The following CLVS1 variants were observed in gnomAD, a reference collection of about 807,000 sequenced individuals.
The protein encoded by CLVS1 is clavesin 1.
A neutral mutation model predicts 33.1 loss-of-function variants in CLVS1; 10 were observed. The ratio of observed to expected loss-of-function variants is 0.30; its 90% confidence interval spans 0.19 to 0.51. The LOEUF is 0.51. CLVS1 is among the 20% of genes least tolerant of loss of function. The pLI, the probability that CLVS1 is intolerant of heterozygous loss-of-function variation, is 0.97. For synonymous variants in CLVS1, 163 were observed against 166.1 expected (o/e 0.98, Z 0.14); for missense variants, 343 against 433.4 (o/e 0.79, Z 1.85).
At chr8:61,058,084 T>C (rs1164934793) in intron 1 of CLVS1, among the ~76,000 whole-genome samples, 2 of 152,218 alleles carry the variant, frequency 1.3e-5, no homozygotes, top group Non-Finnish European at 2.9e-5. Context: ...GCTAGACATA[T>C]AGTATATGAC....
intron 3 of CLVS1, among the ~76,000 whole-genome samples, chr8:61,393,223 C>T (rs1252334828): frequency 6.6e-6 from 1 of 152,082 alleles, no homozygotes; most frequent in Admixed American, 6.5e-5. Flanking sequence ...TTGTATTTCT[C>T]TAAGTATGTC....
intron 2 of CLVS1, among the ~76,000 whole-genome samples, chr8:61,225,550 AAC>A (rs1808308031): frequency 6.6e-6 from 1 of 152,212 alleles, no homozygotes; most frequent in Non-Finnish European, 1.5e-5. Context: ...CTCAAATCTG[AAC>A]AGTTTCAGCT....
chr8:61,084,092 A>G (rs1203449144), intron 1 of CLVS1, among the ~76,000 whole-genome samples: 1 of 152,242 alleles, frequency 6.6e-6, no homozygotes, highest in Non-Finnish European at 1.5e-5. Flanking sequence ...TACTGAGAAG[A>G]TAGGACTAAG....
intron 1 of CLVS1, among the ~76,000 whole-genome samples, chr8:61,130,865 T>C (rs1261468119): frequency 6.6e-6 from 1 of 152,176 alleles, no homozygotes; most frequent in Admixed American, 6.5e-5. Context: ...CACTACAAAA[T>C]TGATGCCAGT....
At chr8:61,317,624 G>A (rs974073399) in intron 2 of CLVS1, among the ~76,000 whole-genome samples, 3 of 152,134 alleles carry the variant, frequency 2.0e-5, no homozygotes, top group African/African-American at 7.2e-5. Context: ...CTGTTGGTCT[G>A]AACAAGTATT....
At chr8:61,049,352 T>C in the CLVS1 span, among the ~76,000 whole-genome samples, 16 of 152,374 alleles carry the variant, frequency 1.1e-4, no homozygotes, top group African/African-American at 3.8e-4. Context: ...TTTTTCTCCA[T>C]TGAATTTTCT....
the CLVS1 span, among the ~76,000 whole-genome samples, chr8:60,997,675 G>A: frequency 6.6e-6 from 1 of 152,190 alleles, no homozygotes; most frequent in African/African-American, 2.4e-5. Context: ...ATGGCTTCCT[G>A]TGGTGATGAA....
chr8:61,486,795 T>C (rs745456694), intron 5 of CLVS1, among the ~76,000 whole-genome samples: 1 of 152,176 alleles, frequency 6.6e-6, no homozygotes, highest in Non-Finnish European at 1.5e-5. Context: ...TCATTTGCAC[T>C]TACCCTTTCC....
chr8:61,108,653 C>G (rs1240883281), intron 1 of CLVS1, among the ~76,000 whole-genome samples: 1 of 152,202 alleles, frequency 6.6e-6, no homozygotes, highest in African/African-American at 2.4e-5. Context: ...AATATGAATA[C>G]TAATCCAAGG....
chr8:61,431,053 T>G, intron 3 of CLVS1, among the ~76,000 whole-genome samples: 1 of 152,222 alleles, frequency 6.6e-6, no homozygotes, highest in East Asian at 1.9e-4. Context: ...CATAATAGAT[T>G]GCTTAAAATA....
chr8:61,410,206 A>G (rs982170773), intron 3 of CLVS1, among the ~76,000 whole-genome samples: 1 of 151,508 alleles, frequency 6.6e-6, no homozygotes, highest in African/African-American at 2.4e-5. Context: ...ATCCATTTGC[A>G]GTTTATCATA....
At chr8:60,972,324 T>G in the CLVS1 span, among the ~76,000 whole-genome samples, 1 of 152,204 alleles carries the variant, frequency 6.6e-6, no homozygotes, top group Non-Finnish European at 1.5e-5. Context: ...CCATGGTCAT[T>G]CCTGGGCATG....
intron 1 of CLVS1, among the ~76,000 whole-genome samples, chr8:61,115,363 T>TTTTATTTA (rs753560215): frequency 6.7e-6 from 1 of 149,266 alleles, no homozygotes; most frequent in Non-Finnish European, 1.5e-5. Flanking sequence ...TTATTTTTAT[T>TTTTATTTA]TTTATTTATT....
intron 2 of CLVS1, among the ~76,000 whole-genome samples, chr8:61,213,509 C>T (rs1489313010): frequency 6.6e-5 from 10 of 150,548 alleles, no homozygotes; most frequent in Non-Finnish European, 1.0e-4. Context: ...ATTTCATGGG[C>T]ATTTATTAGT....
the CLVS1 span, among the ~76,000 whole-genome samples, chr8:60,990,634 T>G: frequency 3.9e-5 from 6 of 152,156 alleles, no homozygotes; most frequent in Non-Finnish European, 8.8e-5. Context: ...AGATGAACCA[T>G]TTGTTCTTTT....
At chr8:61,358,965 G>T (rs1480493924) in intron 2 of CLVS1, among the ~76,000 whole-genome samples, 2 of 152,060 alleles carry the variant, frequency 1.3e-5, no homozygotes, top group African/African-American at 4.8e-5. Context: ...TTGAAAATTT[G>T]TATTATTATA....
intron 2 of CLVS1, among the ~76,000 whole-genome samples, chr8:61,199,362 G>A (rs1486474528): frequency 2.0e-5 from 3 of 151,958 alleles, no homozygotes; most frequent in Non-Finnish European, 4.4e-5. Context: ...ATATCTCCAA[G>A]CAAAGGACTA....
chr8:61,163,280 C>T (rs1327087187), intron 2 of CLVS1, among the ~76,000 whole-genome samples: 1 of 152,160 alleles, frequency 6.6e-6, no homozygotes, highest in Non-Finnish European at 1.5e-5. Context: ...GCTGCCTCTT[C>T]CACACCTTCT....
chr8:61,369,921 G>T (rs1352552900), intron 2 of CLVS1, among the ~76,000 whole-genome samples: 2 of 152,136 alleles, frequency 1.3e-5, no homozygotes, highest in Non-Finnish European at 2.9e-5. Context: ...CATTATCAGA[G>T]GAAAGGCAAA....
Sources: gnomAD v4.1 joint callset for allele counts (sites outside exome capture counted in the v4.1 genomes callset) on GRCh38, gnomAD v4.1.1 for gene constraint, MANE v1.5 for transcripts, NCBI Gene and HGNC (gene_info 2026-07-23, HGNC 2026-07-21) for gene names.